Variants in ZNF701 observed in about 807,000 individuals in gnomAD.
ZNF701 encodes zinc finger protein 701.
ZNF701 carries 6 observed loss-of-function variants against 7.1 expected under a neutral mutation model. The observed-to-expected ratio is 0.84, with a 90% confidence interval of 0.46 to 1.66. The LOEUF (loss-of-function observed/expected upper bound fraction) is 1.66. ZNF701 is among the 40% of genes most tolerant of loss of function. ZNF701 has a pLI of 0.01. For missense variants in ZNF701, 541 were observed against 559.2 expected (o/e 0.97, Z 0.33); for synonymous variants, 166 against 188.2 (o/e 0.88, Z 0.97).
chr19:52,578,132 T>C (rs1291856373), intron 3 of ZNF701, among the ~76,000 whole-genome samples: 2 of 151,144 alleles, frequency 1.3e-5, no homozygotes, highest in East Asian at 3.9e-4. Flanking sequence ...CGGGCACTTG[T>C]AGTCCCAGCT....
chr19:52,572,290 G>C, intron 1 of ZNF701: 1 of 795,138 alleles, frequency 1.3e-6, no homozygotes, highest in South Asian at 1.4e-5. Flanking sequence ...CCCGACATCA[G>C]GTGATCCGCC....
At chr19:52,599,838 G>A in the ZNF701 span, among the ~76,000 whole-genome samples, 2 of 152,074 alleles carry the variant, frequency 1.3e-5, no homozygotes, top group East Asian at 1.9e-4. Context: ...GGCCCCTGTC[G>A]CCATGTTGTA....
rs755339209 is a variant in ZNF701, at chr19:52,582,528, G to A, written c.469G>A (p.Glu157Lys). 21 of 1,614,124 alleles carry A rather than the reference G, an allele frequency of 1.3e-5. No homozygotes were observed. The highest frequency in any genetic ancestry group is 8.3e-5 in the Admixed American group (5 of 60,000). ...HLPEVHIFHP[E>K]GKIGNQVEKA... Reference sequence around the variant, plus strand: ...GCCTGAAGTGCACATATTTCACCCCGAAGGGAAAATTGGTAATCAAGTTGA... The same window carrying A: ...GCCTGAAGTGCACATATTTCACCCCAAAGGGAAAATTGGTAATCAAGTTGA... Residue 157 changes from glutamate to lysine, a missense_variant, in exon 4 of 4, where the codon GAA becomes AAA. Physicochemically the swap from Glu to Lys is moderately conservative, Grantham distance 56. Transcript: ENST00000391785.
At chr19:52,571,211 C>T (rs544976705) in intron 1 of ZNF701, among the ~76,000 whole-genome samples, 2 of 149,632 alleles carry the variant, frequency 1.3e-5, no homozygotes, top group South Asian at 4.3e-4. Context: ...AGAGGGGCAG[C>T]AAAGAGGGAG....
In ZNF701 at chr19:52,585,015, G is replaced by C. The variant is rs2060000348; in HGVS notation, c.*1558G>C. 1 of 152,236 alleles carries C rather than the reference G, an allele frequency of 6.6e-6. No individual in the cohort carries two copies. Among genetic ancestry groups the C allele is most frequent in the Non-Finnish European group, 1.5e-5 (1 of 68,088 alleles). The allele number at this position is 152,236 out of a possible 1,614,324, so 9.4% of individuals were successfully genotyped here. A position where few individuals can be genotyped will look rare whatever the true frequency, so the allele number is the denominator to read the frequency against. ...CTGGTACTGCTATACCGGGGACGTGGGTGTCTCCACAGACCTGGAAATTCC... is the reference window on the plus strand; with the variant it reads ...CTGGTACTGCTATACCGGGGACGTGCGTGTCTCCACAGACCTGGAAATTCC... On this transcript the variant is annotated 3_prime_UTR_variant, in exon 4 of 4. Coordinates refer to ENST00000391785, the MANE Select transcript of ZNF701 (RefSeq NM_018260.3).
chr19:52,572,341 CA>C lies in ZNF701; in HGVS notation c.-71-1735del, dbSNP rs1568499829. ...AAGTGCTGGGATTACAGGTGTGAGC[CA>C]CCGCACTCAGCCTCCCTGTTTTGAA... On this transcript the variant is annotated intron_variant, in intron 1 of 3. Coordinates refer to ENST00000391785, the MANE Select transcript of ZNF701 (RefSeq NM_018260.3). 9 of 1,286,982 alleles carry C rather than the reference CA, an allele frequency of 7.0e-6. No homozygotes were observed. The South Asian group carries it at 1.1e-4, about 16-fold the overall frequency. The allele number at this position is 1,286,982 out of a possible 1,614,324, so 79.7% of individuals were successfully genotyped here. A position where few individuals can be genotyped will look rare whatever the true frequency, so the allele number is the denominator to read the frequency against.
Position 52,582,577 on chromosome 19 carries a change from C to T in ZNF701, c.518C>T (p.Ser173Leu). 6.2e-7 allele frequency: 1 copy of T among 1,614,190 alleles called. No homozygotes were observed. The highest frequency in any genetic ancestry group is 1.1e-5 in the South Asian group (1 of 91,084). Reference protein sequence around the residue: ...QVEKAINDAFSVSASQRISCR... With the variant: ...QVEKAINDAFLVSASQRISCR... ...GAGAAGGCTATCAACGATGCTTTCT[C>T]AGTTTCAGCATCCCAACGAATTTCC... Residue 173 changes from serine to leucine, a missense_variant, in exon 4 of 4, where the codon TCA (serine) becomes TTA (leucine). Physicochemically the swap from Ser to Leu is moderately radical, Grantham distance 145 (BLOSUM62 -2). Coordinates refer to ENST00000391785, the MANE Select transcript of ZNF701 (RefSeq NM_018260.3).
At chr19:52,571,236 G>C (rs963637395) in intron 1 of ZNF701, among the ~76,000 whole-genome samples, 1 of 145,744 alleles carries the variant, frequency 6.9e-6, no homozygotes, top group Non-Finnish European at 1.5e-5. Context: ...ATCAGAGTGA[G>C]AGAGAGAGAG....
At chr19:52,580,241 C>G (rs57361353) in intron 3 of ZNF701, among the ~76,000 whole-genome samples, 45,094 of 151,578 alleles carry the variant, frequency 0.3, 8,060 homozygotes, top group South Asian at 0.44. Flanking sequence ...CCGCGCCCAG[C>G]CTTTTTAGAA....
chr19:52,590,239 T>A (rs945000512), downstream of ZNF701, among the ~76,000 whole-genome samples: 4 of 151,756 alleles, frequency 2.6e-5, no homozygotes, highest in Non-Finnish European at 5.9e-5. Flanking sequence ...TAGCTGGGAC[T>A]ACAGGAGCTC....
chr19:52,596,016 G>T, the ZNF701 span: 26 of 1,558,574 alleles, frequency 1.7e-5, no homozygotes, highest in Non-Finnish European at 2.0e-5. Flanking sequence ...CAAATAATTT[G>T]TAGGCTCAAA....
chr19:52,582,617 T>C lies in ZNF701; in HGVS notation c.558T>C (p.Thr186=). ...AACGAATTTCCTGTAGGCCAAAAAC[T>C]CGTATTTCTAATAAGTATAGGAATA... The part of the protein sequence containing the change: ...ASQRISCRPK[T]RISNKYRNNF... Residue 186 remains threonine (T), a synonymous_variant, in exon 4 of 4, where the codon ACT becomes ACC. Transcript: ENST00000391785. 1 of 1,614,146 alleles carries C rather than the reference T, an allele frequency of 6.2e-7. No homozygotes were observed. The highest frequency in any genetic ancestry group is 8.5e-7 in the Non-Finnish European group (1 of 1,180,038).
At chr19:52,592,228 G>T in the ZNF701 span, 1 of 1,576,416 alleles carries the variant, frequency 6.3e-7, no homozygotes, top group Non-Finnish European at 8.7e-7. Flanking sequence ...GGAGTTTGTG[G>T]GTGAGGAAAA....
the ZNF701 span, chr19:52,598,864 C>G: frequency 1.3e-5 from 2 of 152,128 alleles, no homozygotes; most frequent in African/African-American, 2.4e-5. Context: ...GAGCTCTGAT[C>G]TTGCCACCAC....
At chr19:52,592,194 G>A in the ZNF701 span, 3 of 1,573,446 alleles carry the variant, frequency 1.9e-6, no homozygotes, top group East Asian at 6.7e-5. Flanking sequence ...ACAGGGAAGT[G>A]ATGTTGGAGA....
intron 3 of ZNF701, among the ~76,000 whole-genome samples, chr19:52,580,231 C>T (rs1379452866): frequency 6.6e-6 from 1 of 151,656 alleles, no homozygotes; most frequent in African/African-American, 2.4e-5. Context: ...GCGTGAGCCA[C>T]CGCGCCCAGC....
At chr19:52,579,107 G>GA (rs2059958192) in intron 3 of ZNF701, among the ~76,000 whole-genome samples, 2 of 143,054 alleles carry the variant, frequency 1.4e-5, no homozygotes, top group South Asian at 2.1e-4. Flanking sequence ...AAAAAGGCAT[G>GA]AAAAAAACAC....
intron 1 of ZNF701, chr19:52,572,164 C>T (rs979842554): frequency 3.2e-6 from 1 of 316,918 alleles, no homozygotes; most frequent in South Asian, 2.3e-5. Flanking sequence ...AGCGATTGTC[C>T]TGCCTCGGCC....
downstream of ZNF701, among the ~76,000 whole-genome samples, chr19:52,589,945 C>T (rs570143914): frequency 6.6e-6 from 1 of 152,068 alleles, no homozygotes; most frequent in East Asian, 1.9e-4. Context: ...AAGTGCGCAC[C>T]ACTACACCTG....
Sources: gnomAD v4.1 joint callset for allele counts (sites outside exome capture counted in the v4.1 genomes callset) on GRCh38, gnomAD v4.1.1 for gene constraint, MANE v1.5 for transcripts, NCBI Gene and HGNC (gene_info 2026-07-23, HGNC 2026-07-21) for gene names.